The following SRBD1 variants were observed in gnomAD, a reference collection of about 807,000 sequenced individuals.
SRBD1 encodes S1 RNA binding domain 1, also known as S1 RNA-binding domain-containing protein 1.
In SRBD1, 88 loss-of-function variants were observed where a neutral mutation model predicts 115.3. The observed-to-expected ratio is 0.76, with a 90% confidence interval of 0.64 to 0.91. The LOEUF (loss-of-function observed/expected upper bound fraction) is 0.91, where lower values mean the gene tolerates loss of function less well. Among genes scored for constraint, SRBD1 ranks in the 40% least tolerant of loss-of-function variants. The pLI, the probability that SRBD1 is intolerant of heterozygous loss-of-function variation, is 0.00. For missense variants in SRBD1, 1,385 were observed against 1,177.4 expected (o/e 1.18, Z -2.58); for synonymous variants, 509 against 407.7 (o/e 1.25, Z -2.99).
chr2:45,486,937 T>C (rs1670139797), intron 15 of SRBD1, among the ~76,000 whole-genome samples: 1 of 152,064 alleles, frequency 6.6e-6, no homozygotes, highest in Non-Finnish European at 1.5e-5. Flanking sequence ...TCTGCCATTA[T>C]TATTATAAGG....
chr2:45,504,088 A>G (rs985603179), intron 14 of SRBD1, among the ~76,000 whole-genome samples: 1 of 152,192 alleles, frequency 6.6e-6, no homozygotes, highest in South Asian at 2.1e-4. Context: ...GATCTTATTG[A>G]TAACATAAAA....
intron 16 of SRBD1, among the ~76,000 whole-genome samples, chr2:45,426,743 G>A (rs974728425): frequency 7.9e-5 from 12 of 152,184 alleles, no homozygotes; most frequent in African/African-American, 2.9e-4. Context: ...AACTCCAGAA[G>A]ACCTGCAGCA....
intron 19 of SRBD1, among the ~76,000 whole-genome samples, chr2:45,408,198 C>T (rs113304326): frequency 6.6e-6 from 1 of 152,110 alleles, no homozygotes; most frequent in African/African-American, 2.4e-5. Context: ...GGGCTTTTTT[C>T]TTCCCTGGGA....
At chr2:45,507,486 G>T (rs1670832264) in intron 14 of SRBD1, among the ~76,000 whole-genome samples, 1 of 152,052 alleles carries the variant, frequency 6.6e-6, no homozygotes, top group African/African-American at 2.4e-5. Flanking sequence ...GGGAGGCTGA[G>T]GCGGGTGTGG....
chr2:45,502,213 C>T lies in SRBD1; in HGVS notation c.1875-13882G>A, dbSNP rs113740903. Among the ~76,000 whole-genome samples, 831 of 152,316 alleles carry T rather than the reference C, an allele frequency of 5.5e-3. 9 individuals are homozygous for T. The highest frequency in any genetic ancestry group is 0.019 in the African/African-American group (781 of 41,562). ...TGGACCTCCAGCAAACTCCAACAGA[C>T]CTGCAGCTAAGGGTCCTGACTGTTA... On this transcript the variant is annotated intron_variant, in intron 14 of 20. Coordinates refer to ENST00000263736, the MANE Select transcript of SRBD1 (RefSeq NM_018079.5).
chr2:45,479,626 G>C (rs1000159760), intron 15 of SRBD1, among the ~76,000 whole-genome samples: 4 of 152,206 alleles, frequency 2.6e-5, no homozygotes, highest in African/African-American at 9.6e-5. Flanking sequence ...GCTGGTTTGT[G>C]AGGGTTAAGG....
chr2:45,529,175 A>T (rs1351551732), intron 14 of SRBD1, among the ~76,000 whole-genome samples: 2 of 151,968 alleles, frequency 1.3e-5, no homozygotes, highest in Non-Finnish European at 2.9e-5. Context: ...ATATAATGAC[A>T]AAAAAGGATT....
chr2:45,563,437 C>T (rs913054136), intron 9 of SRBD1, among the ~76,000 whole-genome samples: 2 of 151,486 alleles, frequency 1.3e-5, no homozygotes, highest in Non-Finnish European at 3.0e-5. Flanking sequence ...AAAACCAAAA[C>T]AAGCAGAAGA....
At chr2:45,444,746 C>A (rs1668770853) in intron 16 of SRBD1, among the ~76,000 whole-genome samples, 1 of 152,166 alleles carries the variant, frequency 6.6e-6, no homozygotes, top group South Asian at 2.1e-4. Context: ...TACTTCTCAA[C>A]TGCTCAAATA....
intron 18 of SRBD1, among the ~76,000 whole-genome samples, chr2:45,417,733 G>C (rs1402415324): frequency 6.6e-6 from 1 of 152,176 alleles, no homozygotes; most frequent in Admixed American, 6.5e-5. Flanking sequence ...GATAATCAAT[G>C]CTTTGGTCCA....
At chr2:45,417,647 TAAG>T (rs1241788034) in intron 18 of SRBD1, among the ~76,000 whole-genome samples, 1 of 152,240 alleles carries the variant, frequency 6.6e-6, no homozygotes. Flanking sequence ...TATATCATGC[TAAG>T]AAGTTTATCT....
intron 15 of SRBD1, among the ~76,000 whole-genome samples, chr2:45,486,001 G>A (rs2103847058): frequency 6.6e-6 from 1 of 152,264 alleles, no homozygotes; most frequent in South Asian, 2.1e-4. Flanking sequence ...AGACACAGAA[G>A]GAAGACACAG....
intron 4 of SRBD1, among the ~76,000 whole-genome samples, chr2:45,586,945 T>C (rs1673546004): frequency 6.8e-6 from 1 of 146,738 alleles, no homozygotes; most frequent in Non-Finnish European, 1.5e-5. Context: ...TATTAAAATA[T>C]TTAAAATTAT....
chr2:45,447,725 C>T (rs760414504), intron 16 of SRBD1: 51 of 152,188 alleles, frequency 3.4e-4, no homozygotes, highest in Middle Eastern at 3.4e-3. Flanking sequence ...AGACAGCTTT[C>T]TTTTTATACA....
rs781229627 is a variant in SRBD1 at position 45,418,430 on chromosome 2, TG to T, written c.2267del (p.Pro756GlnfsTer37). On this transcript the variant is annotated frameshift_variant, in exon 18 of 21. Coordinates refer to ENST00000263736, the MANE Select transcript of SRBD1 (RefSeq NM_018079.5). LOFTEE classifies it high-confidence loss of function. ...EQLKKVKGLG[P>X]KSFQQCAGFI... is the part of the protein sequence containing the mutation. ...AGCCAGCACACTGTTGGAAGGATTTTGGGCCCAGCCCTTTCACTTTCTTCAG... is the reference window on the plus strand; with the variant it reads ...AGCCAGCACACTGTTGGAAGGATTTTGGCCCAGCCCTTTCACTTTCTTCAG... 6.2e-7 allele frequency: 1 copy of T among 1,614,108 alleles called. No homozygotes were observed. The highest frequency in any genetic ancestry group is 1.1e-5 in the South Asian group (1 of 91,068).
At chr2:45,394,795 C>T (rs1026810749) in intron 19 of SRBD1, among the ~76,000 whole-genome samples, 4 of 152,226 alleles carry the variant, frequency 2.6e-5, no homozygotes, top group East Asian at 1.9e-4. Flanking sequence ...TTATGGTATC[C>T]GACTAATTCT....
At chr2:45,490,966 T>C (rs893102231) in intron 14 of SRBD1, among the ~76,000 whole-genome samples, 2 of 152,138 alleles carry the variant, frequency 1.3e-5, no homozygotes, top group African/African-American at 4.8e-5. Context: ...ATCAGAAATC[T>C]TAAATAACCT....
intron 16 of SRBD1, among the ~76,000 whole-genome samples, chr2:45,455,782 T>C (rs1213576008): frequency 1.3e-5 from 2 of 151,818 alleles, no homozygotes; most frequent in African/African-American, 4.8e-5. Flanking sequence ...AAAATAACAG[T>C]GGTGATTTTG....
chr2:45,430,796 G>C (rs1408763510), intron 16 of SRBD1, among the ~76,000 whole-genome samples: 1 of 152,148 alleles, frequency 6.6e-6, no homozygotes, highest in Admixed American at 6.5e-5. Context: ...TGGCAAATGG[G>C]ATCTAACTAA....
Sources: gnomAD v4.1 joint callset for allele counts (sites outside exome capture counted in the v4.1 genomes callset) on GRCh38, gnomAD v4.1.1 for gene constraint, MANE v1.5 for transcripts, NCBI Gene and HGNC (gene_info 2026-07-23, HGNC 2026-07-21) for gene names.